GRB2: variants seen among roughly 807,000 people sequenced by gnomAD.
The protein encoded by GRB2 is growth factor receptor bound protein 2.
A neutral mutation model predicts 27.4 loss-of-function variants in GRB2; 2 were observed. The ratio of observed to expected loss-of-function variants is 0.07; its 90% CI spans 0.03 to 0.23. The LOEUF (loss-of-function observed/expected upper bound fraction) is 0.23. Among genes scored for constraint, GRB2 ranks in the 10% least tolerant of loss-of-function variants. GRB2 has a pLI of 1.00. For synonymous variants in GRB2, 94 were observed against 99.6 expected (o/e 0.94, Z 0.33); for missense variants, 102 against 282.4 (o/e 0.36, Z 4.58).
At chr17:75,376,069 G>A (rs1207926916) in intron 2 of GRB2, among the ~76,000 whole-genome samples, 6 of 143,690 alleles carry the variant, frequency 4.2e-5, no homozygotes, top group South Asian at 2.2e-4. Flanking sequence ...CTGCATGAGC[G>A]CAGTGGCTCA....
intron 2 of GRB2, among the ~76,000 whole-genome samples, chr17:75,337,077 G>C (rs1046410120): frequency 1.3e-5 from 2 of 152,150 alleles, no homozygotes; most frequent in African/African-American, 4.8e-5. Flanking sequence ...TACGATTTTG[G>C]TTATCTGGAA....
intron 2 of GRB2, among the ~76,000 whole-genome samples, chr17:75,367,111 A>C (rs1203267812): frequency 6.6e-6 from 1 of 152,216 alleles, no homozygotes; most frequent in Non-Finnish European, 1.5e-5. Flanking sequence ...TAACCAATTC[A>C]GAAAGTCTAT....
At chr17:75,366,142 G>A (rs967927484) in intron 2 of GRB2, among the ~76,000 whole-genome samples, 4 of 151,618 alleles carry the variant, frequency 2.6e-5, no homozygotes, top group Non-Finnish European at 5.9e-5. Flanking sequence ...CCTTGCAGCC[G>A]TTACAAATTT....
chr17:75,399,157 C>T (rs992263021), intron 1 of GRB2, among the ~76,000 whole-genome samples: 2 of 152,148 alleles, frequency 1.3e-5, no homozygotes, highest in African/African-American at 4.8e-5. Flanking sequence ...AAGCCATCCT[C>T]CTGCCTTAGC....
Position 75,357,679 on chromosome 17 carries a change from G to C in GRB2, c.79-24882C>G, listed in dbSNP as rs56295711. On this transcript the variant is annotated intron_variant, in intron 2 of 5. Coordinates refer to ENST00000316804, the MANE Select transcript of GRB2 (RefSeq NM_002086.5). ...TGCACGTCTGTAATCCTAGCACTTT[G>C]GGAGGCCGAGGAGAGTAAATCACCT... Among the ~76,000 whole-genome samples, 1,325 of 152,276 alleles carry C rather than the reference G, an allele frequency of 8.7e-3. 9 individuals carry two copies. The highest frequency in any genetic ancestry group is 0.014 in the Non-Finnish European group (965 of 68,020).
intron 3 of GRB2, among the ~76,000 whole-genome samples, chr17:75,327,395 G>C (rs567366659): frequency 7.9e-6 from 1 of 126,414 alleles, no homozygotes; most frequent in Non-Finnish European, 1.6e-5. Context: ...TTTTTAGATA[G>C]AGTCTCACTC....
At chr17:75,382,263 CA>C (rs200338703) in intron 2 of GRB2, among the ~76,000 whole-genome samples, 5 of 145,626 alleles carry the variant, frequency 3.4e-5, no homozygotes, top group African/African-American at 7.6e-5. Context: ...GACCTTGTCT[CA>C]AAAAAAAAGG....
intron 3 of GRB2, among the ~76,000 whole-genome samples, chr17:75,330,531 G>A (rs896185291): frequency 2.6e-5 from 4 of 151,962 alleles, no homozygotes; most frequent in Admixed American, 2.0e-4. Context: ...ACAATTCGAC[G>A]GGAGTGGAGG....
intron 2 of GRB2, among the ~76,000 whole-genome samples, chr17:75,391,746 T>C (rs2079000024): frequency 6.8e-6 from 1 of 147,392 alleles, no homozygotes. Context: ...AGGTGGAGCT[T>C]GCGGTGAGCC....
intron 2 of GRB2, among the ~76,000 whole-genome samples, chr17:75,336,051 T>C (rs1167492587): frequency 1.3e-5 from 2 of 152,162 alleles, no homozygotes; most frequent in African/African-American, 4.8e-5. Flanking sequence ...CAGAAAACTC[T>C]GAATAGCCTT....
At chr17:75,343,451 T>C (rs1387093231) in intron 2 of GRB2, among the ~76,000 whole-genome samples, 3 of 152,216 alleles carry the variant, frequency 2.0e-5, no homozygotes, top group African/African-American at 7.2e-5. Context: ...TGTTCATACA[T>C]GTTAGAAGAT....
At chr17:75,403,141 C>A (rs1194260604) in intron 1 of GRB2, among the ~76,000 whole-genome samples, 7 of 70,304 alleles carry the variant, frequency 1.0e-4, no homozygotes, top group Non-Finnish European at 2.5e-4. Flanking sequence ...AAAAAGGCAA[C>A]TTTGACCAAA....
chr17:75,379,703 C>T (rs1269062354), intron 2 of GRB2, among the ~76,000 whole-genome samples: 1 of 152,094 alleles, frequency 6.6e-6, no homozygotes, highest in African/African-American at 2.4e-5. Flanking sequence ...CACTTGATTT[C>T]TTAATGCATG....
At chr17:75,337,901 C>CTACTACTACTAT (rs1375563317) in intron 2 of GRB2, among the ~76,000 whole-genome samples, 21 of 117,370 alleles carry the variant, frequency 1.8e-4, no homozygotes, top group South Asian at 7.8e-4. Flanking sequence ...ACTACTACTA[C>CTACTACTACTAT]TATTATTATT....
Position 75,320,329 on chromosome 17 carries a change from T to C in GRB2, c.*39A>G, listed in dbSNP as rs769044045. 3.8e-6 allele frequency: 6 copies of C among 1,561,158 alleles called. No individual in the cohort carries two copies. Among genetic ancestry groups the C allele is most frequent in the Non-Finnish European group, 4.4e-6 (5 of 1,132,302 alleles). On this transcript the variant is annotated 3_prime_UTR_variant, in exon 6 of 6. Transcript: ENST00000316804. This position sits in a 1 kb window ranked among gnomAD's most constrained non-coding sequence, Gnocchi z 4.3. ...GGGTTTAATTCTTTTGTATGTGTTT[T>C]ACATTTTTCACTTTCTTTAAATAAT...
intron 2 of GRB2, among the ~76,000 whole-genome samples, chr17:75,342,352 G>T (rs2078626800): frequency 6.6e-6 from 1 of 152,054 alleles, no homozygotes; most frequent in Admixed American, 6.6e-5. Flanking sequence ...TATATGTGGG[G>T]GCTTTGTTCT....
intron 2 of GRB2, among the ~76,000 whole-genome samples, chr17:75,339,785 C>A (rs1330299709): frequency 6.6e-6 from 1 of 152,040 alleles, no homozygotes; most frequent in Non-Finnish European, 1.5e-5. Context: ...TGCCACCACA[C>A]CTGGCTAATT....
intron 2 of GRB2, among the ~76,000 whole-genome samples, chr17:75,358,023 G>T (rs1000765447): frequency 6.6e-6 from 1 of 152,206 alleles, no homozygotes; most frequent in Non-Finnish European, 1.5e-5. Flanking sequence ...GCTTGAACCC[G>T]GGAGGTGGAG....
intron 2 of GRB2, among the ~76,000 whole-genome samples, chr17:75,365,330 T>C (rs937895593): frequency 9.9e-5 from 15 of 152,200 alleles, no homozygotes; most frequent in Admixed American, 2.6e-4. Flanking sequence ...CCGAAACCTC[T>C]AAATTAGAAC....
Sources: gnomAD v4.1 joint callset for allele counts (sites outside exome capture counted in the v4.1 genomes callset) on GRCh38, gnomAD v4.1.1 for gene constraint, Gnocchi (gnomAD v3.1) non-coding constraint, MANE v1.5 for transcripts, NCBI Gene and HGNC (gene_info 2026-07-23, HGNC 2026-07-21) for gene names.